Variants in TAFA2 observed in about 807,000 individuals in gnomAD.
TAFA2 encodes chemokine-like protein TAFA-2.
Under a neutral mutation model 18.8 loss-of-function variants are expected in TAFA2, and 7 were observed. The ratio of observed to expected loss-of-function variants is 0.37; its 90% CI spans 0.21 to 0.70. TAFA2 has a LOEUF of 0.70. TAFA2 is among the 30% of genes least tolerant of loss of function. The pLI is 0.53. For synonymous variants in TAFA2, 60 were observed against 54.2 expected, an observed-to-expected ratio of 1.11 and a Z score of -0.47; for missense variants, 122 against 158.1, an observed-to-expected ratio of 0.77 and a Z score of 1.23.
chr12:61,904,958 A>G (rs1876279610), intron 1 of TAFA2, among the ~76,000 whole-genome samples: 1 of 152,204 alleles, frequency 6.6e-6, no homozygotes, highest in Non-Finnish European at 1.5e-5. Flanking sequence ...GTTTTTAAAC[A>G]TAGTATCTTC....
At chr12:61,878,812 G>C (rs1874980305) in intron 1 of TAFA2, among the ~76,000 whole-genome samples, 1 of 152,122 alleles carries the variant, frequency 6.6e-6, no homozygotes, top group South Asian at 2.1e-4. Context: ...ATACAGTATA[G>C]TTCTATTTCC....
At chr12:62,222,088 T>C (rs2062765391) in intron 1 of TAFA2, among the ~76,000 whole-genome samples, 1 of 152,142 alleles carries the variant, frequency 6.6e-6, no homozygotes, top group Admixed American at 6.6e-5. Context: ...TTTTAGGAAG[T>C]CGGTCTGTTT....
At chr12:61,902,942 C>T (rs1322114501) in intron 1 of TAFA2, among the ~76,000 whole-genome samples, 1 of 152,050 alleles carries the variant, frequency 6.6e-6, no homozygotes, top group Non-Finnish European at 1.5e-5. Flanking sequence ...CCCTCATTCC[C>T]ATTTTCAACC....
In TAFA2 at chr12:61,774,141, G is replaced by A. The variant is rs150970109; in HGVS notation, c.107-19117C>T. Among the ~76,000 whole-genome samples, 42 of 149,910 alleles carry A rather than the reference G, an allele frequency of 2.8e-4. No individual in the cohort carries two copies. In the East Asian group the frequency reaches 6.3e-3, roughly 22 times the overall value. On this transcript the variant is annotated intron_variant, in intron 2 of 4. Coordinates refer to ENST00000416284, the MANE Select transcript of TAFA2 (RefSeq NM_178539.5). Reference sequence around the variant, plus strand: ...TATCAGGCAAATGCAAATCAAAACCGAGTAGAATGAACATAATCCAAAAAT... The same window carrying A: ...TATCAGGCAAATGCAAATCAAAACCAAGTAGAATGAACATAATCCAAAAAT...
At chr12:62,235,635 C>T in intron 1 of TAFA2, 1 of 230,118 alleles carries the variant, frequency 4.3e-6, no homozygotes, top group Non-Finnish European at 8.4e-6. Flanking sequence ...TTCCTTTATT[C>T]CTTTGTTACT....
At chr12:62,017,078 T>G (rs946855556) in intron 1 of TAFA2, among the ~76,000 whole-genome samples, 1 of 152,188 alleles carries the variant, frequency 6.6e-6, no homozygotes, top group Non-Finnish European at 1.5e-5. Flanking sequence ...CCACCCCAGC[T>G]AATCTTCACA....
intron 1 of TAFA2, among the ~76,000 whole-genome samples, chr12:61,894,541 AATAG>A (rs1482280210): frequency 6.6e-6 from 1 of 152,222 alleles, no homozygotes; most frequent in Non-Finnish European, 1.5e-5. Context: ...ATTGTTTAAA[AATAG>A]ATATAGTATC....
intron 1 of TAFA2, among the ~76,000 whole-genome samples, chr12:62,055,280 C>T (rs950462863): frequency 5.9e-5 from 9 of 152,068 alleles, no homozygotes; most frequent in Non-Finnish European, 2.9e-5. Context: ...TATTTTGTTA[C>T]AAAATCCCAA....
At chr12:62,208,168 T>A (rs576818215) in intron 1 of TAFA2, among the ~76,000 whole-genome samples, 2 of 152,094 alleles carry the variant, frequency 1.3e-5, no homozygotes, top group East Asian at 1.9e-4. Context: ...GTCTGAAAAA[T>A]TCTGAAAATA....
At chr12:61,967,955 G>C (rs149282495) in intron 1 of TAFA2, among the ~76,000 whole-genome samples, 1 of 151,666 alleles carries the variant, frequency 6.6e-6, no homozygotes, top group Admixed American at 6.6e-5. Flanking sequence ...GTCCAGGCCT[G>C]GTAATGTTAT....
intron 1 of TAFA2, among the ~76,000 whole-genome samples, chr12:61,902,904 T>G (rs1465562304): frequency 9.8e-6 from 1 of 102,230 alleles, no homozygotes; most frequent in Non-Finnish European, 1.9e-5. Flanking sequence ...AGCCAAAAAT[T>G]TATAAGTCAC....
At chr12:61,906,375 GGCAATTCCTCT>G (rs1405314811) in intron 1 of TAFA2, among the ~76,000 whole-genome samples, 5 of 151,812 alleles carry the variant, frequency 3.3e-5, no homozygotes, top group Non-Finnish European at 7.4e-5. Context: ...TTTTATAAAG[GGCAATTCCTCT>G]GCATATGCTC....
Position 62,074,899 on chromosome 12 carries a change from G to A in TAFA2, c.-2+116360C>T, listed in dbSNP as rs542294727. 1.4e-4 allele frequency among the ~76,000 whole-genome samples: 21 copies of A among 151,788 alleles called. 1 individual carries two copies. In the South Asian group the frequency reaches 4.2e-3, roughly 30 times the overall value. ...GTATTTTTAGTAGAGATGGGGTTTT[G>A]CCACGTTGCCCAGGCTGGTTTCAAA... is the stretch of plus-strand genomic sequence containing the variant. On this transcript the variant is annotated intron_variant, in intron 1 of 4. Coordinates refer to ENST00000416284, the MANE Select transcript of TAFA2 (RefSeq NM_178539.5).
chr12:62,020,857 T>C (rs535966636), intron 1 of TAFA2, among the ~76,000 whole-genome samples: 2 of 152,350 alleles, frequency 1.3e-5, no homozygotes, highest in South Asian at 4.1e-4. Flanking sequence ...AAAATAGTTT[T>C]TACATTTTTA....
intron 1 of TAFA2, among the ~76,000 whole-genome samples, chr12:61,921,820 G>T (rs1050455129): frequency 6.6e-6 from 1 of 152,148 alleles, no homozygotes; most frequent in African/African-American, 2.4e-5. Flanking sequence ...AATGAACTCA[G>T]GGTCTCACTA....
chr12:61,865,851 A>T (rs1354406303), intron 2 of TAFA2, among the ~76,000 whole-genome samples: 1 of 152,156 alleles, frequency 6.6e-6, no homozygotes, highest in Non-Finnish European at 1.5e-5. Context: ...TTCTTTCATA[A>T]GCTGGGAAGG....
chr12:62,088,686 G>A (rs1022293828), intron 1 of TAFA2, among the ~76,000 whole-genome samples: 6 of 149,370 alleles, frequency 4.0e-5, no homozygotes, highest in Admixed American at 2.0e-4. Context: ...GGCTATATGA[G>A]AATTCTTCCT....
intron 1 of TAFA2, among the ~76,000 whole-genome samples, chr12:61,990,433 G>A (rs942017995): frequency 7.1e-6 from 1 of 140,230 alleles, no homozygotes; most frequent in Non-Finnish European, 1.5e-5. Flanking sequence ...TCTGCCTCCC[G>A]GGTTCACACC....
chr12:62,043,950 G>A (rs183511154), intron 1 of TAFA2, among the ~76,000 whole-genome samples: 2 of 152,176 alleles, frequency 1.3e-5, no homozygotes, highest in African/African-American at 2.4e-5. Flanking sequence ...AGTTACAAGT[G>A]GCACTTGTTC....
Sources: gnomAD v4.1 joint callset for allele counts (sites outside exome capture counted in the v4.1 genomes callset) on GRCh38, gnomAD v4.1.1 for gene constraint, MANE v1.5 for transcripts, NCBI Gene and HGNC (gene_info 2026-07-23, HGNC 2026-07-21) for gene names.